The following SLC7A9 variants were observed in gnomAD, a reference collection of about 807,000 sequenced individuals.
SLC7A9 encodes the protein B(0,+)-type amino acid transporter 1.
In SLC7A9, 38 loss-of-function variants were observed where a neutral mutation model predicts 54.1. The observed-to-expected ratio is 0.70, with a 90% CI of 0.54 to 0.92. The LOEUF is 0.92. Among genes scored for constraint, SLC7A9 ranks in the 40% least tolerant of loss-of-function variants. The pLI is 0.00. For missense variants in SLC7A9, 537 were observed against 636.1 expected (o/e 0.84, Z 1.68); for synonymous variants, 264 against 258.9 (o/e 1.02, Z -0.19).
chr19:32,861,257 G>A (rs999565160), intron 6 of SLC7A9, among the ~76,000 whole-genome samples: 2 of 147,972 alleles, frequency 1.4e-5, no homozygotes, highest in Non-Finnish European at 3.0e-5. Flanking sequence ...TGAACCTGGG[G>A]GATTCAAGCA....
At chr19:32,865,893 C>T (rs532678115) in intron 2 of SLC7A9, among the ~76,000 whole-genome samples, 23 of 150,784 alleles carry the variant, frequency 1.5e-4, no homozygotes, top group Admixed American at 4.6e-4. Flanking sequence ...TCTCTTGAAC[C>T]CATGAGGCAG....
Position 32,843,818 on chromosome 19 carries a change from G to A in SLC7A9, c.1074+37C>T, listed in dbSNP as rs748470713. On this transcript the variant is annotated intron_variant, in intron 10 of 12. Transcript: ENST00000023064. ...AGCACCCCATGGATGGAGTGTCCCC[G>A]CCTTGAAGATAGGCTGGTAGCGGGA... The A allele has an allele frequency of 4.2e-5, 64 of 1,511,756 alleles. No homozygotes were observed. In the South Asian group the frequency reaches 4.4e-4, roughly 10 times the overall value. The allele number at this position is 1,511,756 out of a possible 1,614,324, so 93.6% of individuals were successfully genotyped here.
At chr19:32,862,088 C>A in intron 6 of SLC7A9, 30 bp downstream of exon 6, 1 of 1,488,394 alleles carries the variant, frequency 6.7e-7, no homozygotes, top group Non-Finnish European at 9.4e-7. Context: ...CCACCCACCC[C>A]CAGACTCGGG....
At chr19:32,860,943 G>T (rs966707549) in intron 6 of SLC7A9, among the ~76,000 whole-genome samples, 2 of 152,146 alleles carry the variant, frequency 1.3e-5, no homozygotes, top group African/African-American at 4.8e-5. Context: ...TTGAAAAAAT[G>T]GAATATTCTT....
rs1968889445 is a variant in SLC7A9, at chr19:32,864,150, C to T, written c.424G>A (p.Val142Met). The change falls in exon 4 of 13, where the codon GTG (valine) becomes ATG (methionine). Residue 142 changes from valine to methionine, a missense_variant. Coordinates refer to ENST00000023064, the MANE Select transcript of SLC7A9 (RefSeq NM_014270.5). ...FSEYVCAPFY[V>M]GCKPPQIVVK... The stretch of plus-strand genomic sequence containing the variant: ...ACGATTTGAGGAGGCTTGCAGCCCA[C>T]ATAGAAGGGCGCACACACATACTCG... 1.9e-6 allele frequency: 3 copies of T among 1,614,072 alleles called. No individual in the cohort carries two copies. The highest frequency in any genetic ancestry group is 3.3e-5 in the Admixed American group (2 of 60,004).
At chr19:32,858,122 T>C (rs1968679714) in intron 9 of SLC7A9, among the ~76,000 whole-genome samples, 1 of 152,230 alleles carries the variant, frequency 6.6e-6, no homozygotes, top group South Asian at 2.1e-4. Context: ...CAGTGCCTCA[T>C]TCACGCGGTG....
At chr19:32,839,014 C>A (rs1968053234) in intron 11 of SLC7A9, among the ~76,000 whole-genome samples, 2 of 152,028 alleles carry the variant, frequency 1.3e-5, no homozygotes, top group African/African-American at 4.8e-5. Flanking sequence ...CTCTTCCTCC[C>A]AGCATCTAAT....
At chr19:32,842,091 C>A in intron 11 of SLC7A9, 77 bp downstream of exon 11, 1 of 1,402,846 alleles carries the variant, frequency 7.1e-7, no homozygotes, top group Non-Finnish European at 1.0e-6. Context: ...GAAGGCATGC[C>A]CCTAGCATTT....
chr19:32,833,919 CA>C (rs770672712), intron 11 of SLC7A9, among the ~76,000 whole-genome samples: 2 of 152,136 alleles, frequency 1.3e-5, no homozygotes, highest in Non-Finnish European at 2.9e-5. Flanking sequence ...ATTTCTTCCT[CA>C]ATTATCTGAA....
At chr19:32,848,009 C>A (rs1197143329) in intron 9 of SLC7A9, among the ~76,000 whole-genome samples, 6 of 151,236 alleles carry the variant, frequency 4.0e-5, no homozygotes, top group African/African-American at 1.4e-4. Context: ...CACCACCAGG[C>A]CTGCCCTAAA....
chr19:32,868,587 T>C lies in SLC7A9; in HGVS notation c.-53A>G, dbSNP rs373182875. 6.7e-7 allele frequency: 1 copy of C among 1,492,134 alleles called. No individual in the cohort carries two copies. Among genetic ancestry groups the C allele is most frequent in the Non-Finnish European group, 9.4e-7 (1 of 1,069,238 alleles). 92.4% of individuals were successfully genotyped at this position (1,492,134 alleles called of 1,614,324 possible). On this transcript the variant is annotated 5_prime_UTR_variant, in exon 2 of 13. Transcript: ENST00000023064. ...GCAAGGAGGGCGCACAGCTAAATCT[T>C]GGTTCAGCAGCAGCAGACAAGACGC... is the stretch of plus-strand genomic sequence containing the variant.
intron 9 of SLC7A9, among the ~76,000 whole-genome samples, chr19:32,846,517 A>C (rs11665721): frequency 6.6e-6 from 1 of 151,996 alleles, no homozygotes; most frequent in Non-Finnish European, 1.5e-5. Context: ...CAAAGCAGCC[A>C]GGAAGCTCGA....
In SLC7A9 at chr19:32,844,599, G is replaced by A. The variant is rs375630854; in HGVS notation, c.978-648C>T. ...GTAATCCCAGCACTGGGAGACTGAG[G>A]CAGGTGGATCGCCTGAAGTCAGGAG... is the stretch of plus-strand genomic sequence containing the variant. On this transcript the variant is annotated intron_variant, in intron 9 of 12. Transcript: ENST00000023064. Among the ~76,000 whole-genome samples, 32 of 152,160 alleles carry A rather than the reference G, an allele frequency of 2.1e-4. 2 individuals are homozygous for A. The highest frequency in any genetic ancestry group is 1.3e-3 in the Admixed American group (20 of 15,288).
At chr19:32,857,780 A>G (rs562950175) in intron 9 of SLC7A9, among the ~76,000 whole-genome samples, 1 of 152,212 alleles carries the variant, frequency 6.6e-6, no homozygotes, top group Non-Finnish European at 1.5e-5. Context: ...GATACAACAC[A>G]GCTGGTGGCA....
chr19:32,838,445 G>A (rs1192980328), intron 11 of SLC7A9, among the ~76,000 whole-genome samples: 1 of 148,480 alleles, frequency 6.7e-6, no homozygotes, highest in Non-Finnish European at 1.5e-5. Context: ...TATAATATAT[G>A]TGTATATTAT....
chr19:32,837,316 G>A (rs563911485), intron 11 of SLC7A9, among the ~76,000 whole-genome samples: 2 of 151,950 alleles, frequency 1.3e-5, no homozygotes, highest in Non-Finnish European at 2.9e-5. Flanking sequence ...CCCACATGGC[G>A]AAACCCCATG....
At position 32,830,599 on chromosome 19, in the gene SLC7A9, G is replaced by C. The variant is rs1235936851; in HGVS notation, c.*21C>G. The C allele has an allele frequency of 1.3e-6, 2 of 1,590,828 alleles. No individual in the cohort carries two copies. The highest frequency in any genetic ancestry group is 8.6e-7 in the Non-Finnish European group (1 of 1,158,838). On this transcript the variant is annotated 3_prime_UTR_variant, in exon 13 of 13. Transcript: ENST00000023064. ...TTAAGAAAATAAATTCAGCTGACTT[G>C]GCTACAAGAGACGGAGCTTGTTACT...
intron 9 of SLC7A9, among the ~76,000 whole-genome samples, chr19:32,847,380 G>A (rs566623265): frequency 9.8e-4 from 150 of 152,310 alleles, no homozygotes; most frequent in African/African-American, 3.3e-3. Context: ...CGAGAACTAC[G>A]TGAAGAATGC....
chr19:32,868,408 C>A (rs1487791907), intron 2 of SLC7A9, 40 bp downstream of exon 2: 1 of 1,555,176 alleles, frequency 6.4e-7, no homozygotes, highest in Non-Finnish European at 8.9e-7. Flanking sequence ...ACGCCCTTGC[C>A]TAACCTGCAA....
Sources: gnomAD v4.1 joint callset for allele counts (sites outside exome capture counted in the v4.1 genomes callset) on GRCh38, gnomAD v4.1.1 for gene constraint, MANE v1.5 for transcripts, NCBI Gene and HGNC (gene_info 2026-07-23, HGNC 2026-07-21) for gene names.